PREX1: variants seen among roughly 807,000 people sequenced by gnomAD.
PREX1 encodes phosphatidylinositol 3,4,5-trisphosphate-dependent Rac exchanger 1 protein.
A neutral mutation model predicts 198.3 loss-of-function variants in PREX1; 41 were observed. The ratio of observed to expected loss-of-function variants is 0.21; its 90% CI spans 0.16 to 0.27. The LOEUF is 0.27. Among genes scored for constraint, PREX1 ranks in the 10% least tolerant of loss-of-function variants. The pLI is 1.00. For synonymous variants in PREX1, 843 were observed against 887.2 expected, an observed-to-expected ratio of 0.95 and a Z score of 0.89; for missense variants, 1,620 against 2,200.7, an observed-to-expected ratio of 0.74 and a Z score of 5.28.
At chr20:48,699,854 T>C (rs943537664) in intron 7 of PREX1, among the ~76,000 whole-genome samples, 9 of 152,158 alleles carry the variant, frequency 5.9e-5, no homozygotes, top group Non-Finnish European at 1.3e-4. Context: ...CCCCCAGCTT[T>C]CCATCTATTC....
the PREX1 span, among the ~76,000 whole-genome samples, chr20:48,885,042 C>G: frequency 1.2e-4 from 18 of 152,200 alleles, no homozygotes; most frequent in Admixed American, 5.2e-4. Context: ...AATTACTCAA[C>G]CTCTCTCTGC....
At chr20:48,853,119 G>A in the PREX1 span, among the ~76,000 whole-genome samples, 20 of 152,216 alleles carry the variant, frequency 1.3e-4, no homozygotes, top group South Asian at 3.7e-3. Flanking sequence ...TTTGAACTAC[G>A]TGAATATGAT....
chr20:48,708,211 C>T (rs747132218), intron 6 of PREX1, 49 bp downstream of exon 6: 61 of 1,597,472 alleles, frequency 3.8e-5, no homozygotes, highest in Non-Finnish European at 4.7e-5. Context: ...CACCTGTGCA[C>T]CTCCTGGCCC....
chr20:48,716,219 G>C (rs2089961788), intron 5 of PREX1, among the ~76,000 whole-genome samples: 1 of 152,158 alleles, frequency 6.6e-6, no homozygotes, highest in Non-Finnish European at 1.5e-5. Context: ...TTTCGCGAGT[G>C]GGGCCCCAAG....
chr20:48,719,761 G>A (rs1024551841), intron 5 of PREX1, among the ~76,000 whole-genome samples: 3 of 152,150 alleles, frequency 2.0e-5, no homozygotes, highest in South Asian at 2.1e-4. Context: ...TCTCCTACCC[G>A]AACCACTGAA....
At chr20:48,670,011 T>C (rs1171975182) in intron 14 of PREX1, among the ~76,000 whole-genome samples, 1 of 152,116 alleles carries the variant, frequency 6.6e-6, no homozygotes, top group Non-Finnish European at 1.5e-5. Flanking sequence ...ACTCAGACTG[T>C]ATGGTTGACC....
intron 1 of PREX1, among the ~76,000 whole-genome samples, chr20:48,818,568 T>A (rs1271234275): frequency 6.6e-6 from 1 of 152,236 alleles, no homozygotes; most frequent in East Asian, 1.9e-4. Flanking sequence ...GCCCTGGCCA[T>A]TCCCGGCTGC....
At chr20:48,815,953 T>C (rs369785992) in intron 1 of PREX1, among the ~76,000 whole-genome samples, 356 of 145,808 alleles carry the variant, frequency 2.4e-3, no homozygotes, top group Non-Finnish European at 3.7e-3. Flanking sequence ...GAGGTTGCAG[T>C]GAGCCGAGAT....
At chr20:48,876,402 A>G in the PREX1 span, among the ~76,000 whole-genome samples, 1 of 152,228 alleles carries the variant, frequency 6.6e-6, no homozygotes, top group South Asian at 2.1e-4. Flanking sequence ...GAGGTGGCCA[A>G]GTGCTTATCT....
At chr20:48,632,923 T>C (rs1219476421) in intron 33 of PREX1, among the ~76,000 whole-genome samples, 3 of 152,236 alleles carry the variant, frequency 2.0e-5, no homozygotes, top group African/African-American at 7.2e-5. Flanking sequence ...TGCTTAATTC[T>C]TGAACCTGAT....
At chr20:48,655,477 T>G in intron 18 of PREX1, 102 bp from the exon 19 acceptor site, 1 of 1,063,296 alleles carries the variant, frequency 9.4e-7, no homozygotes, top group Non-Finnish European at 1.3e-6. Context: ...TTGGAAACAC[T>G]GGGAAAATTC....
At chr20:48,861,445 C>T in the PREX1 span, among the ~76,000 whole-genome samples, 23 of 152,278 alleles carry the variant, frequency 1.5e-4, no homozygotes, top group African/African-American at 3.9e-4. Flanking sequence ...TATGTTTTTC[C>T]GAGGTCACCA....
intron 1 of PREX1, among the ~76,000 whole-genome samples, chr20:48,806,815 GC>G (rs1457185638): frequency 1.3e-5 from 2 of 152,170 alleles, no homozygotes; most frequent in Non-Finnish European, 2.9e-5. Flanking sequence ...GGTCAAGATG[GC>G]CCCCAAACAG....
At position 48,746,186 on chromosome 20, in the gene PREX1, A is replaced by C. The variant is rs147282701; in HGVS notation, c.292-1039T>G. ...CAGATGCATGCCGCCATGCCTGGCTAACTTTTTTTGTATTTTAGTAGAGAC... is the reference window on the plus strand; with the variant it reads ...CAGATGCATGCCGCCATGCCTGGCTCACTTTTTTTGTATTTTAGTAGAGAC... On this transcript the variant is annotated intron_variant, in intron 2 of 39. Coordinates refer to ENST00000371941, the MANE Select transcript of PREX1 (RefSeq NM_020820.4). Among the ~76,000 whole-genome samples, 315 of 152,010 alleles carry C rather than the reference A, an allele frequency of 2.1e-3. 1 individual carries two copies. The highest frequency in any genetic ancestry group is 7.3e-3 in the African/African-American group (302 of 41,436).
the PREX1 span, among the ~76,000 whole-genome samples, chr20:48,855,572 G>T: frequency 6.6e-6 from 1 of 152,164 alleles, no homozygotes; most frequent in Admixed American, 6.6e-5. Flanking sequence ...TCAGCTCATG[G>T]AGCTGACACT....
In PREX1 at chr20:48,636,536, C is replaced by T. The variant is rs531950971; in HGVS notation, c.4094G>A (p.Arg1365His). 5.6e-6 allele frequency: 9 copies of T among 1,611,324 alleles called. No individual in the cohort carries two copies. Among genetic ancestry groups the T allele is most frequent in the Middle Eastern group, 1.7e-4 (1 of 6,044 alleles). ...EYEESSRDAS[R>H]KWLEQVAATG... is the part of the protein sequence containing the mutation. ...GGCCGCCACCTGCTCCAGCCACTTG[C>T]GGCTGGCGTCGCGGCTGCTCTCCTC... The change falls in exon 32 of 40, where the codon CGC (arginine) becomes CAC (histidine). Residue 1365 changes from arginine to histidine, a missense_variant. This residue lies in a region of PREX1 where 476 missense variants were observed against 603.4 expected (regional missense o/e 0.79). Coordinates refer to ENST00000371941, the MANE Select transcript of PREX1 (RefSeq NM_020820.4).
chr20:48,716,303 G>A (rs117303458), intron 5 of PREX1, among the ~76,000 whole-genome samples: 1 of 152,274 alleles, frequency 6.6e-6, no homozygotes, highest in East Asian at 1.9e-4. Flanking sequence ...CCTCCCTCTC[G>A]CCCCTGCAAT....
At chr20:48,793,602 T>A (rs1216309729) in intron 1 of PREX1, among the ~76,000 whole-genome samples, 1 of 152,202 alleles carries the variant, frequency 6.6e-6, no homozygotes. Flanking sequence ...GGTTACGTGA[T>A]TTTTCCTGCA....
chr20:48,737,208 T>C (rs1432919762), intron 3 of PREX1, among the ~76,000 whole-genome samples: 2 of 133,718 alleles, frequency 1.5e-5, no homozygotes, highest in South Asian at 2.4e-4. Context: ...TGGGAAGGTT[T>C]TGACAGCAAA....
Sources: allele counts gnomAD v4.1 joint callset (sites outside exome capture counted in the v4.1 genomes callset), GRCh38; gene constraint gnomAD v4.1.1; regional missense constraint gnomAD v4.1.1; transcripts MANE v1.5; gene names NCBI Gene and HGNC (gene_info 2026-07-23, HGNC 2026-07-21).